The following DOCK4 variants were observed in gnomAD, a reference collection of about 807,000 sequenced individuals.
The protein encoded by DOCK4 is dedicator of cytokinesis 4, also known as dedicator of cytokinesis protein 4.
A neutral mutation model predicts 268.1 loss-of-function variants in DOCK4; 97 were observed. That is an observed-to-expected ratio of 0.36 (90% CI 0.31 to 0.43). The LOEUF is 0.43. DOCK4 is among the 20% of genes least tolerant of loss of function. The pLI is 1.00. For synonymous variants in DOCK4, 954 were observed against 887.2 expected (o/e 1.08, Z -1.34); for missense variants, 2,145 against 2,455.7 (o/e 0.87, Z 2.67).
intron 25 of DOCK4, among the ~76,000 whole-genome samples, chr7:111,842,210 G>A (rs1803755523): frequency 6.6e-6 from 1 of 152,186 alleles, no homozygotes; most frequent in South Asian, 2.1e-4. Flanking sequence ...AGAGAGGGCA[G>A]ACTGGCCAAG....
intron 47 of DOCK4, 32 bp downstream of exon 47, chr7:111,741,062 A>C: frequency 6.2e-7 from 1 of 1,612,114 alleles, no homozygotes; most frequent in Non-Finnish European, 8.5e-7. Flanking sequence ...GAAAAGGAAT[A>C]AACACAACCA....
At chr7:112,003,918 G>T in intron 2 of DOCK4, 130 bp downstream of exon 2, 1 of 575,012 alleles carries the variant, frequency 1.7e-6, no homozygotes, top group Non-Finnish European at 2.9e-6. Context: ...GAAAATGCAG[G>T]AAACAATTTT....
intron 1 of DOCK4, among the ~76,000 whole-genome samples, chr7:112,082,429 G>C (rs1808678960): frequency 6.6e-6 from 1 of 152,132 alleles, no homozygotes; most frequent in Non-Finnish European, 1.5e-5. Context: ...AATAGCGGGG[G>C]TGGTTGCTGT....
chr7:111,829,041 G>A (rs931110033), intron 26 of DOCK4, among the ~76,000 whole-genome samples: 2 of 151,944 alleles, frequency 1.3e-5, no homozygotes, highest in East Asian at 1.9e-4. Context: ...AAACAGTAGG[G>A]TTATGTGGAA....
chr7:111,855,921 C>A (rs971813591), intron 23 of DOCK4, among the ~76,000 whole-genome samples: 1 of 152,130 alleles, frequency 6.6e-6, no homozygotes, highest in Non-Finnish European at 1.5e-5. Context: ...ATGAGTTCTA[C>A]TGGATATTAC....
intron 12 of DOCK4, among the ~76,000 whole-genome samples, chr7:111,926,036 A>T (rs1291134722): frequency 6.8e-6 from 1 of 148,134 alleles, no homozygotes; most frequent in Non-Finnish European, 1.5e-5. Context: ...CGGAGGTTGT[A>T]GTGAGCCGAG....
intron 26 of DOCK4, among the ~76,000 whole-genome samples, chr7:111,828,004 T>C (rs1308197249): frequency 6.6e-6 from 1 of 152,134 alleles, no homozygotes; most frequent in African/African-American, 2.4e-5. Flanking sequence ...CACAGTTCTA[T>C]GAAAAGTTAT....
intron 1 of DOCK4, among the ~76,000 whole-genome samples, chr7:112,204,423 C>A (rs948187251): frequency 1.3e-5 from 2 of 152,190 alleles, no homozygotes; most frequent in South Asian, 4.1e-4. Flanking sequence ...CCTCGGGTCC[C>A]TCACCAGTCC....
intron 16 of DOCK4, among the ~76,000 whole-genome samples, chr7:111,892,480 G>C (rs1294394923): frequency 1.3e-5 from 2 of 152,204 alleles, no homozygotes; most frequent in Non-Finnish European, 2.9e-5. Flanking sequence ...GGGATTACAG[G>C]CATGAGCCAC....
chr7:111,886,542 A>T (rs1807859470), intron 16 of DOCK4, among the ~76,000 whole-genome samples: 1 of 152,180 alleles, frequency 6.6e-6, no homozygotes, highest in Non-Finnish European at 1.5e-5. Flanking sequence ...ATGGTCTTTG[A>T]TCTGAGGTCA....
intron 25 of DOCK4, among the ~76,000 whole-genome samples, chr7:111,842,031 T>C (rs1490332788): frequency 6.6e-6 from 1 of 152,258 alleles, no homozygotes; most frequent in African/African-American, 2.4e-5. Context: ...TAAGTTATAT[T>C]GCCAGGAAGC....
At chr7:112,021,987 G>A (rs774946313) in intron 1 of DOCK4, among the ~76,000 whole-genome samples, 2 of 152,116 alleles carry the variant, frequency 1.3e-5, no homozygotes, top group African/African-American at 4.8e-5. Context: ...TTATGCTTCC[G>A]ATTAATGTCA....
At chr7:112,072,394 C>G (rs1471476336) in intron 1 of DOCK4, among the ~76,000 whole-genome samples, 2 of 152,174 alleles carry the variant, frequency 1.3e-5, no homozygotes, top group Admixed American at 6.5e-5. Flanking sequence ...ACGCTAGGGT[C>G]AGATGTGTTG....
chr7:112,063,771 GAC>G (rs1172706093), intron 1 of DOCK4, among the ~76,000 whole-genome samples: 3 of 152,148 alleles, frequency 2.0e-5, no homozygotes, highest in African/African-American at 7.2e-5. Flanking sequence ...AGATGTAAAA[GAC>G]AATGAATATA....
At chr7:112,145,956 ATG>A (rs1442290223) in intron 1 of DOCK4, among the ~76,000 whole-genome samples, 1 of 152,200 alleles carries the variant, frequency 6.6e-6, no homozygotes, top group East Asian at 1.9e-4. Flanking sequence ...ATGTGCTTAT[ATG>A]TTTGTTTGTG....
chr7:111,733,608 C>A (rs1795266057), intron 51 of DOCK4, among the ~76,000 whole-genome samples: 1 of 152,196 alleles, frequency 6.6e-6, no homozygotes, highest in Admixed American at 6.5e-5. Flanking sequence ...CCTCCTGACT[C>A]AGGCAGTTGC....
At chr7:111,736,557 G>T (rs1795494531) in intron 50 of DOCK4, among the ~76,000 whole-genome samples, 1 of 152,154 alleles carries the variant, frequency 6.6e-6, no homozygotes, top group Non-Finnish European at 1.5e-5. Flanking sequence ...GACGAAGGAT[G>T]GGACCACCGA....
chr7:112,161,149 A>G (rs953312132), intron 1 of DOCK4, among the ~76,000 whole-genome samples: 1 of 152,216 alleles, frequency 6.6e-6, no homozygotes, highest in Non-Finnish European at 1.5e-5. Flanking sequence ...CAGTCTTCAA[A>G]TAGACCCCAT....
intron 8 of DOCK4, among the ~76,000 whole-genome samples, chr7:111,956,959 T>A (rs1040272060): frequency 6.6e-6 from 1 of 152,228 alleles, no homozygotes; most frequent in Non-Finnish European, 1.5e-5. Flanking sequence ...ATATTCATTA[T>A]AACTTTTAAA....
Sources: gnomAD v4.1 joint callset for allele counts (sites outside exome capture counted in the v4.1 genomes callset) on GRCh38, gnomAD v4.1.1 for gene constraint, MANE v1.5 for transcripts, NCBI Gene and HGNC (gene_info 2026-07-23, HGNC 2026-07-21) for gene names.